Variants in SEZ6L observed in about 807,000 individuals in gnomAD.
The protein encoded by SEZ6L is seizure related 6 homolog like.
In SEZ6L, 37 loss-of-function variants were observed where a neutral mutation model predicts 106.2. The ratio of observed to expected loss-of-function variants is 0.35; its 90% confidence interval spans 0.27 to 0.46. The LOEUF is 0.46. Among genes scored for constraint, SEZ6L ranks in the 20% least tolerant of loss-of-function variants. SEZ6L has a pLI of 1.00. For missense variants in SEZ6L, 1,172 were observed against 1,332.8 expected (o/e 0.88, Z 1.88); for synonymous variants, 541 against 570.4 (o/e 0.95, Z 0.73).
At chr22:26,217,459 T>C (rs1602060432) in intron 1 of SEZ6L, among the ~76,000 whole-genome samples, 1 of 152,242 alleles carries the variant, frequency 6.6e-6, no homozygotes, top group African/African-American at 2.4e-5. Context: ...GTAAACCCCT[T>C]CCTGACTTTT....
At chr22:26,182,664 C>T (rs569065463) in intron 1 of SEZ6L, among the ~76,000 whole-genome samples, 1 of 151,932 alleles carries the variant, frequency 6.6e-6, no homozygotes, top group South Asian at 2.1e-4. Context: ...ATTTTATGAT[C>T]CCCATAGAGA....
At chr22:26,196,090 TG>T (rs1940560783) in intron 1 of SEZ6L, among the ~76,000 whole-genome samples, 2 of 152,172 alleles carry the variant, frequency 1.3e-5, no homozygotes, top group African/African-American at 2.4e-5. Flanking sequence ...GATTTGATCA[TG>T]GGGGTGGTCC....
At chr22:26,375,424 G>A in intron 14 of SEZ6L, 151 bp from the exon 15 acceptor site, 1 of 654,834 alleles carries the variant, frequency 1.5e-6, no homozygotes, top group Non-Finnish European at 2.7e-6. Flanking sequence ...ATTTCCTCTA[G>A]TCTTTGGAGA....
chr22:26,284,815 A>G (rs2080885341), intron 1 of SEZ6L, among the ~76,000 whole-genome samples: 1 of 152,084 alleles, frequency 6.6e-6, no homozygotes. Context: ...GAAAGAGGAA[A>G]AGTGCACAGG....
intron 1 of SEZ6L, among the ~76,000 whole-genome samples, chr22:26,250,224 C>T (rs948499910): frequency 6.6e-6 from 1 of 151,624 alleles, no homozygotes; most frequent in Non-Finnish European, 1.5e-5. Context: ...GAGGTCTTAC[C>T]CAAAAAATCT....
At chr22:26,319,643 C>G (rs542968078) in intron 9 of SEZ6L, among the ~76,000 whole-genome samples, 1 of 152,334 alleles carries the variant, frequency 6.6e-6, no homozygotes, top group East Asian at 1.9e-4. Flanking sequence ...CATCCTCTGA[C>G]TTTGCTTCAC....
intron 1 of SEZ6L, among the ~76,000 whole-genome samples, chr22:26,219,382 T>C (rs12157603): frequency 1.3e-5 from 2 of 152,068 alleles, no homozygotes; most frequent in Non-Finnish European, 2.9e-5. Flanking sequence ...ATTTTTTTTG[T>C]TTGTTTTTTT....
intron 1 of SEZ6L, among the ~76,000 whole-genome samples, chr22:26,191,328 A>G (rs1020487290): frequency 6.6e-6 from 1 of 152,238 alleles, no homozygotes; most frequent in African/African-American, 2.4e-5. Flanking sequence ...AAGACATGGA[A>G]TCAACCTAAA....
At chr22:26,326,382 G>A (rs778763056) in intron 9 of SEZ6L, among the ~76,000 whole-genome samples, 3 of 152,194 alleles carry the variant, frequency 2.0e-5, no homozygotes, top group Admixed American at 6.5e-5. Flanking sequence ...CGCATACCAT[G>A]TGGCTAGAGT....
intron 1 of SEZ6L, among the ~76,000 whole-genome samples, chr22:26,252,306 A>G (rs1048336684): frequency 6.6e-6 from 1 of 152,234 alleles, no homozygotes; most frequent in Admixed American, 6.5e-5. Context: ...TTGGTTATCT[A>G]TCTGAAGTTC....
At chr22:26,308,638 C>G (rs532355080) in intron 6 of SEZ6L, among the ~76,000 whole-genome samples, 1 of 151,496 alleles carries the variant, frequency 6.6e-6, no homozygotes, top group East Asian at 1.9e-4. Context: ...TATGTACTAG[C>G]TAACAAAGGC....
At chr22:26,232,291 ACT>A (rs1459545174) in intron 1 of SEZ6L, among the ~76,000 whole-genome samples, 4 of 148,370 alleles carry the variant, frequency 2.7e-5, no homozygotes. Flanking sequence ...TATGAGCTGA[ACT>A]CTGAGGACCC....
intron 5 of SEZ6L, among the ~76,000 whole-genome samples, chr22:26,299,445 CTG>C (rs1275669811): frequency 6.6e-6 from 1 of 152,220 alleles, no homozygotes; most frequent in Non-Finnish European, 1.5e-5. Flanking sequence ...AATGGAAACA[CTG>C]TACAGAAAGC....
chr22:26,256,159 A>T (rs1264712136), intron 1 of SEZ6L, among the ~76,000 whole-genome samples: 1 of 152,214 alleles, frequency 6.6e-6, no homozygotes, highest in East Asian at 1.9e-4. Context: ...AAGTAGTTGG[A>T]GAAGTAAGGA....
chr22:26,320,672 C>A (rs1463841436), intron 9 of SEZ6L, among the ~76,000 whole-genome samples: 1 of 152,176 alleles, frequency 6.6e-6, no homozygotes, highest in Non-Finnish European at 1.5e-5. Flanking sequence ...AGAGGAAATA[C>A]AGCACTCTGG....
intron 9 of SEZ6L, among the ~76,000 whole-genome samples, chr22:26,316,457 A>T (rs747979738): frequency 6.6e-5 from 10 of 152,204 alleles, no homozygotes; most frequent in Non-Finnish European, 1.0e-4. Context: ...AGGGCACCTG[A>T]GTGAAATCAG....
rs745840673 is a variant in SEZ6L at position 26,292,834 on chromosome 22, G to C, written c.523G>C (p.Ala175Pro). Reference sequence around the variant, plus strand: ...ACCGGGGGACCCGGACCCCATCGTGGCCTCCGAGGAGGCATCAGAAGTGCC... The same window carrying C: ...ACCGGGGGACCCGGACCCCATCGTGCCCTCCGAGGAGGCATCAGAAGTGCC... ...GPPGDPDPIV[A>P]SEEASEVPLW... Residue 175 changes from alanine to proline, a missense_variant, in exon 2 of 17, where the codon GCC becomes CCC. This residue lies in a region of SEZ6L where 494 missense variants were observed against 445.8 expected (regional missense o/e 1.11). Coordinates refer to ENST00000248933, the MANE Select transcript of SEZ6L (RefSeq NM_021115.5). 2 of 1,613,910 alleles carry C rather than the reference G, an allele frequency of 1.2e-6. No individual in the cohort carries two copies. Among genetic ancestry groups the C allele is most frequent in the African/African-American group, 2.7e-5 (2 of 74,940 alleles).
chr22:26,354,955 G>A (rs1358094055), intron 12 of SEZ6L, among the ~76,000 whole-genome samples: 5 of 152,250 alleles, frequency 3.3e-5, no homozygotes, highest in Non-Finnish European at 7.3e-5. Flanking sequence ...GTGACAAGCG[G>A]GTGAGGCTGA....
chr22:26,348,926 AG>A (rs1371630922), intron 11 of SEZ6L, among the ~76,000 whole-genome samples: 1 of 94,930 alleles, frequency 1.1e-5, no homozygotes, highest in Non-Finnish European at 2.1e-5. Context: ...GAGGGAGGGA[AG>A]GAAGGAAGGG....
Sources: allele counts gnomAD v4.1 joint callset (sites outside exome capture counted in the v4.1 genomes callset), GRCh38; gene constraint gnomAD v4.1.1; regional missense constraint gnomAD v4.1.1; transcripts MANE v1.5; gene names NCBI Gene and HGNC (gene_info 2026-07-23, HGNC 2026-07-21).